Variants in ACSS3 observed in about 807,000 individuals in gnomAD.
The protein encoded by ACSS3 is acyl-CoA synthetase short chain family member 3.
ACSS3 carries 64 observed loss-of-function variants against 84.2 expected under a neutral mutation model. The observed-to-expected ratio is 0.76, with a 90% CI of 0.62 to 0.94. The LOEUF (loss-of-function observed/expected upper bound fraction) is 0.94, where lower values mean the gene tolerates loss of function less well. Ranked by LOEUF, ACSS3 falls within the 40% of genes least tolerant of loss-of-function variation. ACSS3 has a pLI of 0.00. For missense variants in ACSS3, 815 were observed against 867.6 expected, an observed-to-expected ratio of 0.94 and a Z score of 0.76; for synonymous variants, 317 against 310.1, an observed-to-expected ratio of 1.02 and a Z score of -0.23.
intron 1 of ACSS3, among the ~76,000 whole-genome samples, chr12:81,105,036 G>A (rs957381806): frequency 1.3e-5 from 2 of 151,998 alleles, no homozygotes; most frequent in Non-Finnish European, 2.9e-5. Context: ...TATAAGACCC[G>A]AGATGTCTAG....
intron 2 of ACSS3, 35 bp downstream of exon 2, chr12:81,109,739 T>A (rs1026058341): frequency 6.8e-7 from 1 of 1,463,068 alleles, no homozygotes; most frequent in Non-Finnish European, 9.2e-7. Flanking sequence ...TATATATGAA[T>A]TCATATAGAA....
intron 3 of ACSS3, 32 bp from the exon 4 acceptor site, chr12:81,139,099 G>A: frequency 6.2e-7 from 1 of 1,601,514 alleles, no homozygotes; most frequent in Non-Finnish European, 8.5e-7. Context: ...CATTGTTAAA[G>A]CTTTCTCTCC....
chr12:81,079,133 G>C (rs896645257), intron 1 of ACSS3, among the ~76,000 whole-genome samples: 10 of 152,170 alleles, frequency 6.6e-5, no homozygotes, highest in Non-Finnish European at 1.3e-4. Context: ...AATACAGATA[G>C]ATATAGGCCA....
intron 5 of ACSS3, among the ~76,000 whole-genome samples, chr12:81,144,421 A>G (rs367750538): frequency 5.5e-4 from 84 of 152,334 alleles, no homozygotes; most frequent in Non-Finnish European, 9.6e-4. Flanking sequence ...ATTTCTGCAT[A>G]TTGAAGATTG....
intron 7 of ACSS3, among the ~76,000 whole-genome samples, chr12:81,174,391 G>C (rs2135819091): frequency 6.6e-6 from 1 of 152,110 alleles, no homozygotes; most frequent in African/African-American, 2.4e-5. Flanking sequence ...CAAATGTTTT[G>C]AGAAATACTG....
rs1473035660 is a variant in ACSS3, at chr12:81,257,457, T to TA, written c.*2541dup. On this transcript the variant is annotated 3_prime_UTR_variant, in exon 16 of 16. Coordinates refer to ENST00000548058, the MANE Select transcript of ACSS3 (RefSeq NM_024560.4). ...TTTAAAAACAACAATATAATATTAC[T>TA]AAAAAATGCAGACATACTTAAACTT... 6.6e-6 allele frequency: 1 copy of TA among 152,100 alleles called. No homozygotes were observed. The highest frequency in any genetic ancestry group is 1.5e-5 in the Non-Finnish European group (1 of 68,018). 9.4% of individuals were successfully genotyped at this position (152,100 alleles called of 1,614,324 possible). A position where few individuals can be genotyped will look rare whatever the true frequency, so the allele number is the denominator to read the frequency against.
At chr12:81,141,336 C>T (rs1275080578) in intron 4 of ACSS3, among the ~76,000 whole-genome samples, 1 of 152,084 alleles carries the variant, frequency 6.6e-6, no homozygotes, top group Non-Finnish European at 1.5e-5. Flanking sequence ...TTTAGAGAGA[C>T]ACAAATTATG....
intron 8 of ACSS3, among the ~76,000 whole-genome samples, chr12:81,177,146 T>G (rs2135827567): frequency 6.6e-6 from 1 of 152,124 alleles, no homozygotes; most frequent in East Asian, 1.9e-4. Flanking sequence ...AAACAAGGCA[T>G]CAAAAGAACA....
chr12:81,192,734 C>T (rs1490971579), intron 8 of ACSS3, among the ~76,000 whole-genome samples: 1 of 152,204 alleles, frequency 6.6e-6, no homozygotes, highest in Non-Finnish European at 1.5e-5. Flanking sequence ...CAACGCCTGT[C>T]AGTCAGCCAC....
intron 1 of ACSS3, among the ~76,000 whole-genome samples, chr12:81,080,714 A>G (rs1218576202): frequency 6.6e-6 from 1 of 152,182 alleles, no homozygotes; most frequent in Non-Finnish European, 1.5e-5. Flanking sequence ...CACAAAGCCA[A>G]ACAGAAGGGC....
chr12:81,132,131 A>G (rs1160728545), intron 2 of ACSS3, among the ~76,000 whole-genome samples: 1 of 151,584 alleles, frequency 6.6e-6, no homozygotes, highest in Non-Finnish European at 1.5e-5. Context: ...TCAGGATGAT[A>G]CTGGCCTCAT....
chr12:81,238,486 C>A (rs368781753), intron 13 of ACSS3, among the ~76,000 whole-genome samples: 1 of 151,734 alleles, frequency 6.6e-6, no homozygotes, highest in Admixed American at 6.6e-5. Context: ...ACCAACGAAC[C>A]TATCTTCACC....
intron 2 of ACSS3, among the ~76,000 whole-genome samples, chr12:81,133,014 T>A (rs1349626983): frequency 6.6e-6 from 1 of 152,150 alleles, no homozygotes; most frequent in Non-Finnish European, 1.5e-5. Flanking sequence ...ATTACTTTGG[T>A]GTATCTTTCT....
chr12:81,137,834 T>A (rs922242738), intron 3 of ACSS3, among the ~76,000 whole-genome samples: 1 of 152,196 alleles, frequency 6.6e-6, no homozygotes, highest in African/African-American at 2.4e-5. Flanking sequence ...TATATTCAAA[T>A]GTCTGACCTT....
At chr12:81,214,772 T>A (rs1397750657) in intron 9 of ACSS3, among the ~76,000 whole-genome samples, 1 of 152,166 alleles carries the variant, frequency 6.6e-6, no homozygotes. Context: ...TTCATGAGAA[T>A]CCACACTGTA....
At position 81,107,503 on chromosome 12, in the gene ACSS3, A is replaced by AATATATATATAT. The variant is rs1307138595; in HGVS notation, c.312-2050_312-2049insTATATATATATA. On this transcript the variant is annotated intron_variant, in intron 1 of 15. Transcript: ENST00000548058. ...AGAAATGTTTTTTTTTTCAGGTACA[A>AATATATATATAT]ATATATACATATATATATATATATA... Among the ~76,000 whole-genome samples the AATATATATATAT allele has an allele frequency of 1.5e-4, 9 of 59,576 alleles. 1 individual carries two copies. Among genetic ancestry groups the AATATATATATAT allele is most frequent in the Non-Finnish European group, 2.3e-4 (7 of 30,354 alleles). 39.1% of individuals were successfully genotyped at this position (59,576 alleles called of 152,430 possible).
intron 9 of ACSS3, among the ~76,000 whole-genome samples, chr12:81,214,145 C>T (rs1040015176): frequency 8.6e-5 from 13 of 151,716 alleles, no homozygotes; most frequent in Non-Finnish European, 1.8e-4. Flanking sequence ...CCTGCCTCAG[C>T]CTCCCAAGTA....
chr12:81,237,245 G>C (rs1461049235), intron 13 of ACSS3, among the ~76,000 whole-genome samples: 1 of 151,442 alleles, frequency 6.6e-6, no homozygotes. Flanking sequence ...TAGGGATCTA[G>C]TCTGGACTAT....
In ACSS3 at chr12:81,142,733, G is replaced by A. The variant is rs1886152146; in HGVS notation, c.781-374G>A. Among the ~76,000 whole-genome samples, 3 of 152,102 alleles carry A rather than the reference G, an allele frequency of 2.0e-5. No individual in the cohort carries two copies. In the South Asian group the frequency reaches 6.2e-4, roughly 32 times the overall value. On this transcript the variant is annotated intron_variant, in intron 4 of 15. Coordinates refer to ENST00000548058, the MANE Select transcript of ACSS3 (RefSeq NM_024560.4). ...AATAAATGCAAAATAAAATAAATAG[G>A]CTATGAAAAATAAAAATTAGTTTAT...
Sources: gnomAD v4.1 joint callset for allele counts (sites outside exome capture counted in the v4.1 genomes callset) on GRCh38, gnomAD v4.1.1 for gene constraint, MANE v1.5 for transcripts, NCBI Gene and HGNC (gene_info 2026-07-23, HGNC 2026-07-21) for gene names.